The following WBP2 variants were observed in gnomAD, a reference collection of about 807,000 sequenced individuals.
The protein encoded by WBP2 is WW domain binding protein 2, also known as WW domain-binding protein 2.
A neutral mutation model predicts 33.0 loss-of-function variants in WBP2; 23 were observed. The ratio of observed to expected loss-of-function variants is 0.70; its 90% CI spans 0.50 to 0.99. The LOEUF (loss-of-function observed/expected upper bound fraction) is 0.99. Ranked by LOEUF, WBP2 falls within the 50% of genes least tolerant of loss-of-function variation. The pLI, the probability that WBP2 is intolerant of heterozygous loss-of-function variation, is 0.00. For synonymous variants in WBP2, 153 were observed against 133.5 expected, an observed-to-expected ratio of 1.15 and a Z score of -1.01; for missense variants, 353 against 358.0, an observed-to-expected ratio of 0.99 and a Z score of 0.11.
chr17:75,848,084 G>A (rs2065006215), intron 4 of WBP2, 154 bp from the exon 5 acceptor site: 1 of 1,062,334 alleles, frequency 9.4e-7, no homozygotes, highest in Non-Finnish European at 1.4e-6. Flanking sequence ...CCATACTCGG[G>A]GGGCCACCTT....
chr17:75,847,115 TGA>T, intron 6 of WBP2, 131 bp from the exon 7 acceptor site: 1 of 962,376 alleles, frequency 1.0e-6, no homozygotes, highest in Non-Finnish European at 1.6e-6. Flanking sequence ...GAGCAGCAGG[TGA>T]GGTTTCCTGA....
chr17:75,847,362 G>A, intron 6 of WBP2, 125 bp downstream of exon 6: 1 of 1,424,014 alleles, frequency 7.0e-7, no homozygotes, highest in South Asian at 1.2e-5. Context: ...GGGCCCCTGG[G>A]GTAGTCCAGG....
intron 6 of WBP2, 95 bp downstream of exon 6, chr17:75,847,392 C>A (rs1442824394): frequency 1.2e-5 from 18 of 1,533,128 alleles, no homozygotes; most frequent in Non-Finnish European, 1.6e-5. Context: ...TCATCTGCGG[C>A]TCTCAGCAGT....
chr17:75,855,203 C>G (rs117278633), intron 1 of WBP2, 36 bp downstream of exon 1: 6 of 1,376,942 alleles, frequency 4.4e-6, no homozygotes, highest in Non-Finnish European at 6.0e-6. Flanking sequence ...GACACCCGAA[C>G]TTTGGTCCTC....
chr17:75,855,100 CG>C, intron 1 of WBP2, 138 bp downstream of exon 1: 7 of 565,216 alleles, frequency 1.2e-5, no homozygotes, highest in Admixed American at 5.3e-5. Context: ...CCTCCAACCC[CG>C]CCCCCAGCCG....
intron 1 of WBP2, among the ~76,000 whole-genome samples, chr17:75,854,530 C>G (rs999457327): frequency 4.6e-5 from 7 of 152,204 alleles, no homozygotes; most frequent in Admixed American, 1.3e-4. Context: ...AACCAACAGG[C>G]ATTCAAGAGA....
At chr17:75,847,977 C>T (rs771396564) in intron 4 of WBP2, 47 bp from the exon 5 acceptor site, 84 of 1,553,652 alleles carry the variant, frequency 5.4e-5, no homozygotes, top group African/African-American at 8.2e-5. Context: ...TGCCTTGGGG[C>T]GGGGAGAGGG....
chr17:75,850,166 T>C (rs2065019359), intron 2 of WBP2, among the ~76,000 whole-genome samples: 1 of 151,902 alleles, frequency 6.6e-6, no homozygotes, highest in Admixed American at 6.6e-5. Context: ...TAGCTCCCAT[T>C]GAGGGGGGCT....
In WBP2 at chr17:75,851,752, C is replaced by T. The variant is rs948951523; in HGVS notation, c.60-76G>A. The T allele has an allele frequency of 9.1e-6, 10 of 1,096,354 alleles. No individual in the cohort carries two copies. The African/African-American group carries it at 1.4e-4, about 15-fold the overall frequency. The allele number at this position is 1,096,354 out of a possible 1,614,324, so 67.9% of individuals were successfully genotyped here. A position where few individuals can be genotyped will look rare whatever the true frequency, so the allele number is the denominator to read the frequency against. On this transcript the variant is annotated intron_variant, in intron 1 of 7. Transcript: ENST00000254806. Reference sequence around the variant, plus strand: ...CGTCACCCAGACACTGGGCCTTTCTCCCAAGCAGCTGCCCGGCACGTCAGC... The same window carrying T: ...CGTCACCCAGACACTGGGCCTTTCTTCCAAGCAGCTGCCCGGCACGTCAGC...
At chr17:75,855,177 C>CCCCCCCCCCCA in intron 1 of WBP2, 62 bp downstream of exon 1, 1 of 1,371,934 alleles carries the variant, frequency 7.3e-7, no homozygotes, top group Non-Finnish European at 1.0e-6. Flanking sequence ...ACCCACCACC[C>CCCCCCCCCCCA]ACCGCCCACT....
chr17:75,849,448 G>A (rs2065014699), intron 3 of WBP2, 156 bp downstream of exon 3: 2 of 873,720 alleles, frequency 2.3e-6, no homozygotes, highest in East Asian at 5.1e-5. Flanking sequence ...CCCACCTCTT[G>A]GCAATCAAAC....
intron 2 of WBP2, chr17:75,851,347 A>T: frequency 2.2e-6 from 1 of 447,216 alleles, no homozygotes; most frequent in Non-Finnish European, 4.2e-6. Flanking sequence ...TCTGGAATTG[A>T]CATGGGTTCA....
At chr17:75,852,737 G>A (rs1382968049) in intron 1 of WBP2, 1 of 969,474 alleles carries the variant, frequency 1.0e-6, no homozygotes, top group East Asian at 1.1e-4. Context: ...TTACAGGCGT[G>A]AGCCACTGCG....
chr17:75,853,165 G>C (rs2065037751), intron 1 of WBP2, among the ~76,000 whole-genome samples: 2 of 152,188 alleles, frequency 1.3e-5, no homozygotes, highest in Admixed American at 1.3e-4. Context: ...TCCTGTCTCA[G>C]CCTTCCAAGT....
In WBP2 at chr17:75,855,306, C is replaced by CA; in HGVS notation, c.-10dup. 1 of 1,612,028 alleles carries CA rather than the reference C, an allele frequency of 6.2e-7. No homozygotes were observed. Among genetic ancestry groups the CA allele is most frequent in the African/African-American group, 1.3e-5 (1 of 74,978 alleles). On this transcript the variant is annotated 5_prime_UTR_variant, in exon 1 of 8. Transcript: ENST00000254806. The stretch of plus-strand genomic sequence containing the variant: ...TTCTTGTTGAGCGCCATAGTCTCTC[C>CA]AACAGGGGTCCCGAGACTCAAAACG...
At chr17:75,854,859 T>C (rs57287238) in intron 1 of WBP2, among the ~76,000 whole-genome samples, 31,673 of 152,044 alleles carry the variant, frequency 0.21, 3,561 homozygotes, top group African/African-American at 0.28. Context: ...TTAAATAAGG[T>C]AGAAAAGGCG....
rs2064995425 is a variant in WBP2 at position 75,846,843 on chromosome 17, C to T, written c.733-56G>A. The stretch of plus-strand genomic sequence containing the variant: ...TAGAAGGTTTAAAACATGGTGCGGT[C>T]ATCCCCCTGCGGCTCCCAGCATCTG... On this transcript the variant is annotated intron_variant, in intron 7 of 7. Coordinates refer to ENST00000254806, the MANE Select transcript of WBP2 (RefSeq NM_012478.4). This position sits in a 1 kb window ranked among gnomAD's most constrained non-coding sequence, Gnocchi z 4.8. 6.2e-7 allele frequency: 1 copy of T among 1,610,964 alleles called. No individual in the cohort carries two copies. Among genetic ancestry groups the T allele is most frequent in the Non-Finnish European group, 8.5e-7 (1 of 1,178,506 alleles).
chr17:75,854,823 T>C (rs1599426918), intron 1 of WBP2, among the ~76,000 whole-genome samples: 2 of 152,176 alleles, frequency 1.3e-5, no homozygotes, highest in South Asian at 2.1e-4. Context: ...ATGTGGACAG[T>C]AGTAGATTAT....
At chr17:75,850,630 T>C (rs1364062508) in intron 2 of WBP2, among the ~76,000 whole-genome samples, 1 of 152,148 alleles carries the variant, frequency 6.6e-6, no homozygotes, top group Non-Finnish European at 1.5e-5. Context: ...GAGACTCTCC[T>C]GTCTTTGTGA....
Sources: allele counts gnomAD v4.1 joint callset (sites outside exome capture counted in the v4.1 genomes callset), GRCh38; gene constraint gnomAD v4.1.1; non-coding constraint Gnocchi (gnomAD v3.1); transcripts MANE v1.5; gene names NCBI Gene and HGNC (gene_info 2026-07-23, HGNC 2026-07-21).